PCDH15: variants seen among roughly 807,000 people sequenced by gnomAD.
PCDH15 encodes the protein protocadherin-15.
PCDH15 carries 129 observed loss-of-function variants against 178.5 expected under a neutral mutation model. The observed-to-expected ratio is 0.72, with a 90% CI of 0.63 to 0.84. PCDH15 has a LOEUF of 0.84. Ranked by LOEUF, PCDH15 falls within the 40% of genes least tolerant of loss-of-function variation. The pLI is 0.00. For missense variants in PCDH15, 2,230 were observed against 2,099.9 expected (o/e 1.06, Z -1.21); for synonymous variants, 800 against 732.0 (o/e 1.09, Z -1.50).
chr10:54,735,008 A>G (rs1943904090), intron 1 of PCDH15, among the ~76,000 whole-genome samples: 1 of 152,024 alleles, frequency 6.6e-6, no homozygotes, highest in Admixed American at 6.6e-5. Flanking sequence ...ATTTTACTAT[A>G]TAAAATTCAG....
At chr10:54,824,594 G>A (rs1953096452) in intron 3 of PCDH15, among the ~76,000 whole-genome samples, 1 of 152,098 alleles carries the variant, frequency 6.6e-6, no homozygotes, top group Non-Finnish European at 1.5e-5. Context: ...GGAATAGGAA[G>A]AAATGGGAGG....
chr10:54,626,738 C>A (rs1452302853), intron 2 of PCDH15, among the ~76,000 whole-genome samples: 2 of 152,174 alleles, frequency 1.3e-5, no homozygotes, highest in Admixed American at 1.3e-4. Context: ...CCTATTGGGG[C>A]ACTGCCTAGT....
chr10:54,000,016 GA>G (rs1287874665), intron 20 of PCDH15, among the ~76,000 whole-genome samples: 1 of 152,120 alleles, frequency 6.6e-6, no homozygotes, highest in East Asian at 1.9e-4. Flanking sequence ...CTCTGTCTGG[GA>G]GAGAGCAAGG....
chr10:55,097,985 G>A (rs892366050), intron 2 of PCDH15, among the ~76,000 whole-genome samples: 6 of 151,994 alleles, frequency 3.9e-5, no homozygotes, highest in Admixed American at 3.3e-4. Flanking sequence ...AGAAGAAAAT[G>A]AAGTTTCCAA....
At chr10:54,401,433 T>C (rs1951919371) in intron 3 of PCDH15, among the ~76,000 whole-genome samples, 1 of 151,904 alleles carries the variant, frequency 6.6e-6, no homozygotes, top group African/African-American at 2.4e-5. Flanking sequence ...CTATAAATGC[T>C]GGTAGAGGTA....
intron 2 of PCDH15, among the ~76,000 whole-genome samples, chr10:55,152,071 G>T (rs1838739979): frequency 2.0e-5 from 3 of 152,202 alleles, no homozygotes; most frequent in Non-Finnish European, 4.4e-5. Context: ...CAAGCACACA[G>T]AGTCTTGGTC....
chr10:54,535,827 A>G (rs529939476), intron 2 of PCDH15, among the ~76,000 whole-genome samples: 2 of 152,088 alleles, frequency 1.3e-5, no homozygotes, highest in Admixed American at 6.5e-5. Context: ...ATATAATTTT[A>G]AGATTGCTTT....
At chr10:55,407,209 G>C (rs1838218706) in intron 2 of PCDH15, among the ~76,000 whole-genome samples, 1 of 152,108 alleles carries the variant, frequency 6.6e-6, no homozygotes, top group South Asian at 2.1e-4. Context: ...GATTGGTCGA[G>C]GGAATACCTC....
chr10:54,563,834 C>T (rs1372672647), intron 2 of PCDH15, among the ~76,000 whole-genome samples: 1 of 152,080 alleles, frequency 6.6e-6, no homozygotes, highest in East Asian at 1.9e-4. Flanking sequence ...AAAAATACAA[C>T]CTTACCCTAA....
chr10:54,095,335 G>A (rs1036031099), intron 15 of PCDH15, among the ~76,000 whole-genome samples: 2 of 151,740 alleles, frequency 1.3e-5, no homozygotes, highest in Non-Finnish European at 2.9e-5. Context: ...GTCAAGTACT[G>A]TTATTTTGTC....
intron 18 of PCDH15, among the ~76,000 whole-genome samples, chr10:54,062,296 A>C (rs962409430): frequency 2.7e-5 from 4 of 150,130 alleles, no homozygotes; most frequent in Non-Finnish European, 4.4e-5. Context: ...TTTTAATTCA[A>C]ATATTGGATT....
At chr10:55,065,635 G>A (rs1484160668) in intron 2 of PCDH15, among the ~76,000 whole-genome samples, 3 of 151,980 alleles carry the variant, frequency 2.0e-5, no homozygotes, top group African/African-American at 4.8e-5. Flanking sequence ...GCATCTAGAA[G>A]AGCTCCTAGA....
chr10:55,218,734 G>A (rs1398551418), intron 1 of PCDH15, among the ~76,000 whole-genome samples: 1 of 151,946 alleles, frequency 6.6e-6, no homozygotes, highest in Non-Finnish European at 1.5e-5. Context: ...GGAAAACTTT[G>A]GGCACTTTGC....
intron 2 of PCDH15, among the ~76,000 whole-genome samples, chr10:54,970,402 T>C (rs1838902392): frequency 2.0e-5 from 3 of 152,218 alleles, no homozygotes; most frequent in South Asian, 4.1e-4. Flanking sequence ...AAGTGCTATC[T>C]TGGGGAGAGC....
At chr10:54,325,356 CAA>C (rs1303625916) in intron 7 of PCDH15, among the ~76,000 whole-genome samples, 3 of 152,060 alleles carry the variant, frequency 2.0e-5, no homozygotes, top group African/African-American at 7.2e-5. Flanking sequence ...ACTTTAAAGT[CAA>C]AATTGATTGC....
intron 9 of PCDH15, among the ~76,000 whole-genome samples, chr10:54,215,992 G>T (rs1272456871): frequency 1.4e-5 from 1 of 72,786 alleles, no homozygotes; most frequent in African/African-American, 4.0e-5. Flanking sequence ...GCAGTGAGCT[G>T]AGATCGTACC....
intron 3 of PCDH15, among the ~76,000 whole-genome samples, chr10:54,399,764 C>T (rs2135456782): frequency 6.6e-6 from 1 of 152,130 alleles, no homozygotes; most frequent in South Asian, 2.1e-4. Flanking sequence ...GCTGTGCAGC[C>T]ACATCCGCGG....
At chr10:55,076,855 G>C (rs1841902516) in intron 2 of PCDH15, among the ~76,000 whole-genome samples, 1 of 140,994 alleles carries the variant, frequency 7.1e-6, no homozygotes, top group Non-Finnish European at 1.5e-5. Context: ...TGCAACCTCT[G>C]TCTCCTTGGT....
At chr10:54,635,114 C>T (rs1186285251) in intron 2 of PCDH15, among the ~76,000 whole-genome samples, 2 of 150,372 alleles carry the variant, frequency 1.3e-5, no homozygotes, top group African/African-American at 2.4e-5. Flanking sequence ...AGTATGCCTA[C>T]GTGATATATA....
Sources: gnomAD v4.1 joint callset for allele counts (sites outside exome capture counted in the v4.1 genomes callset) on GRCh38, gnomAD v4.1.1 for gene constraint, MANE v1.5 for transcripts, NCBI Gene and HGNC (gene_info 2026-07-23, HGNC 2026-07-21) for gene names.